Variants in CSNK1D observed in about 807,000 individuals in gnomAD.
CSNK1D encodes casein kinase 1 delta, also known as casein kinase I isoform delta.
In CSNK1D, 16 loss-of-function variants were observed where a neutral mutation model predicts 46.6. The observed-to-expected ratio is 0.34, with a 90% CI of 0.23 to 0.52. The LOEUF (loss-of-function observed/expected upper bound fraction) is 0.52. CSNK1D is among the 20% of genes least tolerant of loss of function. The probability of loss-of-function intolerance (pLI) is 0.95; values close to 1 mark genes in which losing one functional copy is unlikely to be tolerated. For missense variants in CSNK1D, 398 were observed against 578.4 expected, an observed-to-expected ratio of 0.69 and a Z score of 3.20; for synonymous variants, 276 against 228.2, an observed-to-expected ratio of 1.21 and a Z score of -1.89.
intron 1 of CSNK1D, among the ~76,000 whole-genome samples, chr17:82,268,775 T>C (rs550908281): frequency 6.6e-6 from 1 of 152,106 alleles, no homozygotes; most frequent in Admixed American, 6.5e-5. Context: ...AAAAACAAAA[T>C]TACGTCCCTC....
chr17:82,244,995 GAC>G, intron 8 of CSNK1D, 164 bp from the exon 9 acceptor site: 1 of 835,684 alleles, frequency 1.2e-6, no homozygotes, highest in South Asian at 1.4e-5. Flanking sequence ...CTGTGGCTGG[GAC>G]ACGTGCTCAG....
intron 2 of CSNK1D, among the ~76,000 whole-genome samples, chr17:82,263,829 C>G (rs1375115494): frequency 1.3e-5 from 2 of 152,242 alleles, no homozygotes; most frequent in African/African-American, 4.8e-5. Flanking sequence ...ACCTTCAAGG[C>G]AATGCAGGCT....
In CSNK1D at chr17:82,273,221, A is replaced by C; in HGVS notation, c.76+85T>G. 3 of 1,362,514 alleles carry C rather than the reference A, an allele frequency of 2.2e-6. No homozygotes were observed. The highest frequency in any genetic ancestry group is 1.0e-6 in the Non-Finnish European group (1 of 991,610). 84.4% of individuals were successfully genotyped at this position (1,362,514 alleles called of 1,614,324 possible). A position where few individuals can be genotyped will look rare whatever the true frequency, so the allele number is the denominator to read the frequency against. On this transcript the variant is annotated intron_variant, in intron 1 of 8. Coordinates refer to ENST00000314028, the MANE Select transcript of CSNK1D (RefSeq NM_001893.6). The surrounding 1 kb of genome is among the most constrained non-coding windows in gnomAD (Gnocchi z 5.1). ...CTTGCGCGGAGACCCCGCGGGGGCC[A>C]CCACTTCCTTCCGCGATCGCGCTTG...
Position 82,252,312 on chromosome 17 carries a change from A to G in CSNK1D, c.736+122T>C. 1 of 1,161,200 alleles carries G rather than the reference A, an allele frequency of 8.6e-7. No homozygotes were observed. The highest frequency in any genetic ancestry group is 1.2e-5 in the South Asian group (1 of 81,358). The allele number at this position is 1,161,200 out of a possible 1,614,324, so 71.9% of individuals were successfully genotyped here. On this transcript the variant is annotated intron_variant, in intron 5 of 8. Transcript: ENST00000314028. The surrounding 1 kb of genome is among the most constrained non-coding windows in gnomAD (Gnocchi z 4.6). ...CACAAAAGCGCCCCGCTTTCCTGCC[A>G]CCACCCCTTTGGAAGGTGAGCAACT...
At chr17:82,253,460 C>T (rs1319267022) in intron 3 of CSNK1D, 5 of 565,784 alleles carry the variant, frequency 8.8e-6, no homozygotes, top group Non-Finnish European at 1.6e-5. Flanking sequence ...GGCCTAGGCG[C>T]TTTGCCTTCA....
rs769901787 is a variant in CSNK1D, at chr17:82,249,609, A to C, written c.886-7T>G. ...CGGCGGCCCGGCTGGCACCCTGAGG[A>C]GGCAGGAGGTGAGGCCGGAATGGAA... On this transcript the variant is annotated splice_region_variant and splice_polypyrimidine_tract_variant and intron_variant, in intron 6 of 8. Coordinates refer to ENST00000314028, the MANE Select transcript of CSNK1D (RefSeq NM_001893.6). The surrounding 1 kb of genome is among the most constrained non-coding windows in gnomAD (Gnocchi z 6.7). 33 of 1,559,818 alleles carry C rather than the reference A, an allele frequency of 2.1e-5. No individual in the cohort carries two copies. In the East Asian group the frequency reaches 5.8e-4, roughly 27 times the overall value.
chr17:82,243,703 A>G lies in CSNK1D; in HGVS notation c.*1078T>C. The G allele has an allele frequency of 1.0e-6, 1 of 985,484 alleles. No individual in the cohort carries two copies. Among genetic ancestry groups the G allele is most frequent in the Non-Finnish European group, 1.2e-6 (1 of 829,960 alleles). The allele number at this position is 985,484 out of a possible 1,614,324, so 61.0% of individuals were successfully genotyped here. ...GCTAGTCTTGGCACGTGGCAAGGAC[A>G]GCCCCGCTCCTGGTTTTAAGCACAG... On this transcript the variant is annotated 3_prime_UTR_variant, in exon 9 of 9. Coordinates refer to ENST00000314028, the MANE Select transcript of CSNK1D (RefSeq NM_001893.6).
At chr17:82,267,407 C>A (rs1422951045) in intron 1 of CSNK1D, among the ~76,000 whole-genome samples, 2 of 152,186 alleles carry the variant, frequency 1.3e-5, no homozygotes, top group African/African-American at 4.8e-5. Flanking sequence ...ACTGAACACC[C>A]AGGAAGCCCC....
In CSNK1D at chr17:82,251,279, C is replaced by G; in HGVS notation, c.885+100G>C. On this transcript the variant is annotated intron_variant, in intron 6 of 8. Transcript: ENST00000314028. This position sits in a 1 kb window ranked among gnomAD's most constrained non-coding sequence, Gnocchi z 4.5. ...TGCCCTTCACAACCAGAGACACTCC[C>G]TATATGGTACAGCCCCTCAACAAGA... 7.1e-7 allele frequency: 1 copy of G among 1,401,014 alleles called. No individual in the cohort carries two copies. The highest frequency in any genetic ancestry group is 1.0e-6 in the Non-Finnish European group (1 of 997,836). The allele number at this position is 1,401,014 out of a possible 1,614,324, so 86.8% of individuals were successfully genotyped here.
chr17:82,254,988 T>C, intron 3 of CSNK1D: 1 of 338,530 alleles, frequency 3.0e-6, no homozygotes, highest in Non-Finnish European at 5.4e-6. Flanking sequence ...CAGAAGCCAG[T>C]CAGCTGAGCC....
chr17:82,248,676 C>G lies in CSNK1D; in HGVS notation c.1197+199G>C. 7.1e-7 allele frequency: 1 copy of G among 1,417,426 alleles called. No homozygotes were observed. The highest frequency in any genetic ancestry group is 9.2e-7 in the Non-Finnish European group (1 of 1,085,972). The allele number at this position is 1,417,426 out of a possible 1,614,324, so 87.8% of individuals were successfully genotyped here. A position where few individuals can be genotyped will look rare whatever the true frequency, so the allele number is the denominator to read the frequency against. On this transcript the variant is annotated intron_variant, in intron 8 of 8. Transcript: ENST00000314028. This position sits in a 1 kb window ranked among gnomAD's most constrained non-coding sequence, Gnocchi z 4.1. ...GGCCACCTGCAACCAGGAGACAAGC[C>G]CCATGACGGCCCAGCATGTCTCCCA...
In CSNK1D at chr17:82,250,482, G is replaced by C. The variant is rs978229802; in HGVS notation, c.886-880C>G. 1.2e-5 allele frequency: 4 copies of C among 322,142 alleles called. No homozygotes were observed. The highest frequency in any genetic ancestry group is 2.2e-5 in the African/African-American group (1 of 45,690). The allele number at this position is 322,142 out of a possible 1,614,324, so 20.0% of individuals were successfully genotyped here. A position where few individuals can be genotyped will look rare whatever the true frequency, so the allele number is the denominator to read the frequency against. ...CCCGAGGCAGCACAGCCCCGGCAGAGGGACTGATCTGCCCTGCCGAGTGCA... is the reference window on the plus strand; with the variant it reads ...CCCGAGGCAGCACAGCCCCGGCAGACGGACTGATCTGCCCTGCCGAGTGCA... On this transcript the variant is annotated intron_variant, in intron 6 of 8. Transcript: ENST00000314028. This position sits in a 1 kb window ranked among gnomAD's most constrained non-coding sequence, Gnocchi z 4.6.
chr17:82,244,997 C>T (rs1005978748), intron 8 of CSNK1D, 166 bp from the exon 9 acceptor site: 7 of 823,940 alleles, frequency 8.5e-6, no homozygotes, highest in South Asian at 1.5e-5. Context: ...GTGGCTGGGA[C>T]ACGTGCTCAG....
At position 82,255,567 on chromosome 17, in the gene CSNK1D, G is replaced by A; in HGVS notation, c.198C>T (p.Pro66=). 1 of 1,614,180 alleles carries A rather than the reference G, an allele frequency of 6.2e-7. No homozygotes were observed. The highest frequency in any genetic ancestry group is 8.5e-7 in the Non-Finnish European group (1 of 1,180,032). The change falls in exon 3 of 9, where the codon CCC becomes CCT. Residue 66 remains proline (P), a synonymous_variant. Transcript: ENST00000314028. The surrounding 1 kb of genome is among the most constrained non-coding windows in gnomAD (Gnocchi z 5.9). ...YKMMQGGVGI[P]TIRWCGAEGD... is the part of the protein sequence containing the mutation. The stretch of plus-strand genomic sequence containing the variant: ...CCTCTGCCCCGCACCATCTGATGGT[G>A]GGGATGCCCACTAGGCAAGGAAATC...
chr17:82,267,366 A>C (rs148751805), intron 1 of CSNK1D, among the ~76,000 whole-genome samples: 1 of 152,212 alleles, frequency 6.6e-6, no homozygotes, highest in African/African-American at 2.4e-5. Flanking sequence ...TCAAGTGAGC[A>C]CTAGAGCAGT....
intron 8 of CSNK1D, chr17:82,245,905 C>T: frequency 1.5e-5 from 23 of 1,484,534 alleles, no homozygotes; most frequent in Non-Finnish European, 2.1e-5. Context: ...CCTGCAAGCT[C>T]CCATGGGTGG....
chr17:82,273,444 G>T lies in CSNK1D; in HGVS notation c.-63C>A. The T allele has an allele frequency of 1.9e-6, 3 of 1,589,344 alleles. No homozygotes were observed. Among genetic ancestry groups the T allele is most frequent in the Non-Finnish European group, 2.6e-6 (3 of 1,167,230 alleles). On this transcript the variant is annotated 5_prime_UTR_variant, in exon 1 of 9. Coordinates refer to ENST00000314028, the MANE Select transcript of CSNK1D (RefSeq NM_001893.6). This position sits in a 1 kb window ranked among gnomAD's most constrained non-coding sequence, Gnocchi z 5.1. ...GCTTCCTGGGTCTGAACTCTGGGAG[G>T]CGGCGCCGCTGCTGCCGCTACTGCG...
rs541061119 is a variant in CSNK1D, at chr17:82,246,105, C to G, written c.1198-1274G>C. On this transcript the variant is annotated intron_variant, in intron 8 of 8. Transcript: ENST00000314028. ...GGCCCCCTGACTACCTGTGTCGGCT[C>G]CATGTCCAGATGGGCATCCTTGCCT... 9 of 1,562,670 alleles carry G rather than the reference C, an allele frequency of 5.8e-6. No individual in the cohort carries two copies. The African/African-American group carries it at 1.2e-4, about 21-fold the overall frequency.
In CSNK1D at chr17:82,243,047, G is replaced by C; in HGVS notation, c.*1734C>G. 1.0e-6 allele frequency: 1 copy of C among 985,334 alleles called. No homozygotes were observed. Among genetic ancestry groups the C allele is most frequent in the Non-Finnish European group, 1.2e-6 (1 of 829,934 alleles). 61.0% of individuals were successfully genotyped at this position (985,334 alleles called of 1,614,324 possible). Reference sequence around the variant, plus strand: ...AGCAACAAAGAAAATCTCTTAACTCGGCTCTGACCCACCCCAACCTCCCTC... The same window carrying C: ...AGCAACAAAGAAAATCTCTTAACTCCGCTCTGACCCACCCCAACCTCCCTC... On this transcript the variant is annotated 3_prime_UTR_variant, in exon 9 of 9. Transcript: ENST00000314028.
Sources: allele counts gnomAD v4.1 joint callset (sites outside exome capture counted in the v4.1 genomes callset), GRCh38; gene constraint gnomAD v4.1.1; non-coding constraint Gnocchi (gnomAD v3.1); transcripts MANE v1.5; gene names NCBI Gene and HGNC (gene_info 2026-07-23, HGNC 2026-07-21).